Variants in SLC35D4 observed in about 807,000 individuals in gnomAD.
SLC35D4 encodes UDP-N-acetylglucosamine transporter SLC35D4.
At chr18:23,406,460 G>A in the SLC35D4 span, among the ~76,000 whole-genome samples, 2 of 152,114 alleles carry the variant, frequency 1.3e-5, no homozygotes, top group Non-Finnish European at 2.9e-5. Context: ...TCTGCACTAG[G>A]AGCTCTTAAG....
chr18:23,399,296 G>A, the SLC35D4 span, among the ~76,000 whole-genome samples: 12 of 152,272 alleles, frequency 7.9e-5, no homozygotes, highest in Admixed American at 2.6e-4. Flanking sequence ...CCATCTCCAC[G>A]GGGAAGCAGT....
the SLC35D4 span, chr18:23,430,593 T>A: frequency 6.5e-7 from 1 of 1,531,090 alleles, no homozygotes; most frequent in Non-Finnish European, 8.9e-7. Context: ...GTTGGACATT[T>A]CCTAAAAATG....
the SLC35D4 span, chr18:23,384,998 GA>G: frequency 6.2e-7 from 1 of 1,613,556 alleles, no homozygotes; most frequent in Non-Finnish European, 8.5e-7. Context: ...ACCTCTTTCT[GA>G]AAACACTTCT....
the SLC35D4 span, among the ~76,000 whole-genome samples, chr18:23,311,600 A>G: frequency 1.6e-4 from 25 of 152,118 alleles, no homozygotes; most frequent in African/African-American, 6.0e-4. Context: ...GTTACCCGTG[A>G]CTTGAAGGCC....
At chr18:23,339,884 G>A in the SLC35D4 span, among the ~76,000 whole-genome samples, 549 of 152,244 alleles carry the variant, frequency 3.6e-3, 6 homozygotes, top group South Asian at 0.036. Flanking sequence ...CAAAGTCCCC[G>A]CCTCTTACTA....
the SLC35D4 span, among the ~76,000 whole-genome samples, chr18:23,417,959 T>C: frequency 6.6e-6 from 1 of 152,162 alleles, no homozygotes; most frequent in African/African-American, 2.4e-5. Context: ...GGAGCCAGGG[T>C]CCTTCAGTAT....
chr18:23,434,389 C>T, the SLC35D4 span, among the ~76,000 whole-genome samples: 160 of 152,294 alleles, frequency 1.1e-3, no homozygotes, highest in Admixed American at 1.6e-3. Flanking sequence ...TGGTCAGCTA[C>T]GATTTCGATT....
the SLC35D4 span, chr18:23,352,242 T>G: frequency 4.3e-6 from 7 of 1,611,534 alleles, no homozygotes; most frequent in Non-Finnish European, 5.9e-6. Flanking sequence ...GGCCAGAAGG[T>G]TTTTTAGCTT....
the SLC35D4 span, among the ~76,000 whole-genome samples, chr18:23,335,265 C>A: frequency 6.6e-6 from 1 of 152,318 alleles, no homozygotes; most frequent in Non-Finnish European, 1.5e-5. Context: ...TAAAATTCTT[C>A]CAAATTTACA....
the SLC35D4 span, among the ~76,000 whole-genome samples, chr18:23,319,345 A>T: frequency 6.6e-6 from 1 of 151,626 alleles, no homozygotes; most frequent in Non-Finnish European, 1.5e-5. Context: ...ATCTTGGCTC[A>T]CTGCAACCTC....
At chr18:23,413,861 T>A in the SLC35D4 span, among the ~76,000 whole-genome samples, 1 of 151,558 alleles carries the variant, frequency 6.6e-6, no homozygotes, top group East Asian at 1.9e-4. Flanking sequence ...GGAGAAGTGC[T>A]TGAACCTGGG....
the SLC35D4 span, among the ~76,000 whole-genome samples, chr18:23,430,919 G>A: frequency 6.6e-6 from 1 of 152,066 alleles, no homozygotes; most frequent in Non-Finnish European, 1.5e-5. Flanking sequence ...ACTTTGGGAG[G>A]GTGAGGCAGG....
the SLC35D4 span, among the ~76,000 whole-genome samples, chr18:23,336,678 G>A: frequency 6.6e-6 from 1 of 152,144 alleles, no homozygotes; most frequent in Admixed American, 6.5e-5. Flanking sequence ...AATGAGCTTC[G>A]AAACGTGATG....
the SLC35D4 span, among the ~76,000 whole-genome samples, chr18:23,404,992 C>CAAAAAAAAAAAAAAAAAAAAAAA: frequency 2.2e-5 from 1 of 44,480 alleles, no homozygotes; most frequent in Non-Finnish European, 4.5e-5. Context: ...GACTCCGTCT[C>CAAAAAAAAAAAAAAAAAAAAAAA]AAAAAAAAAA....
the SLC35D4 span, among the ~76,000 whole-genome samples, chr18:23,355,393 A>G: frequency 6.6e-6 from 1 of 152,118 alleles, no homozygotes; most frequent in Non-Finnish European, 1.5e-5. Flanking sequence ...GCTGCCAAAT[A>G]ACCAGACTCA....
chr18:23,275,145 C>T, the SLC35D4 span, among the ~76,000 whole-genome samples: 1 of 151,104 alleles, frequency 6.6e-6, no homozygotes, highest in East Asian at 2.0e-4. Context: ...AGTGCTTGTG[C>T]GTGTGTGTGT....
chr18:23,268,276 T>C, the SLC35D4 span, among the ~76,000 whole-genome samples: 3 of 152,216 alleles, frequency 2.0e-5, no homozygotes, highest in Non-Finnish European at 4.4e-5. Flanking sequence ...GCAGAAGATC[T>C]GGGCTTTGAG....
chr18:23,400,116 T>C, the SLC35D4 span, among the ~76,000 whole-genome samples: 18,630 of 152,192 alleles, frequency 0.12, 1,248 homozygotes, highest in Middle Eastern at 0.19. Flanking sequence ...AGAACTTCAG[T>C]TGGGTGGCCA....
At chr18:23,419,396 G>A in the SLC35D4 span, among the ~76,000 whole-genome samples, 1 of 151,952 alleles carries the variant, frequency 6.6e-6, no homozygotes, top group African/African-American at 2.4e-5. Flanking sequence ...GGGTTCAAGC[G>A]ATTCTCCTGC....
Sources: gnomAD v4.1 joint callset for allele counts (sites outside exome capture counted in the v4.1 genomes callset) on GRCh38, gnomAD v4.1.1 for gene constraint, MANE v1.5 for transcripts, NCBI Gene and HGNC (gene_info 2026-07-23, HGNC 2026-07-21) for gene names.